Variants in PCDHGA6 observed in about 807,000 individuals in gnomAD.
PCDHGA6 encodes protocadherin gamma-A6.
PCDHGA6 carries 41 observed loss-of-function variants against 60.6 expected under a neutral mutation model. The observed-to-expected ratio is 0.68, with a 90% CI of 0.53 to 0.88. The LOEUF (loss-of-function observed/expected upper bound fraction) is 0.88, where lower values mean the gene tolerates loss of function less well. PCDHGA6 is among the 40% of genes least tolerant of loss of function. The pLI is 0.00. For missense variants in PCDHGA6, 1,312 were observed against 1,203.0 expected (o/e 1.09, Z -1.34); for synonymous variants, 594 against 524.4 (o/e 1.13, Z -1.81).
At chr5:141,494,569 T>G (rs1341706026) in intron 1 of PCDHGA6, among the ~76,000 whole-genome samples, 2 of 152,190 alleles carry the variant, frequency 1.3e-5, no homozygotes, top group Non-Finnish European at 2.9e-5. Flanking sequence ...GAAAGGAGTC[T>G]CAGCTTGCTC....
rs994726301 is a variant in PCDHGA6, at chr5:141,476,632, T to C, written c.2425-18175T>C. ...TGGGAAGCAACTCTTTACAAACCTA[T>C]GAGCTGAGCCGAAATGAATACTTTG... On this transcript the variant is annotated intron_variant, in intron 1 of 3. Transcript: ENST00000517434. The surrounding 1 kb of genome is among the most constrained non-coding windows in gnomAD (Gnocchi z 7.6). The C allele has an allele frequency of 8.7e-6, 14 of 1,614,098 alleles. No homozygotes were observed. Among genetic ancestry groups the C allele is most frequent in the Admixed American group, 1.7e-5 (1 of 60,016 alleles).
In PCDHGA6 at chr5:141,490,275, C is replaced by A; in HGVS notation, c.2425-4532C>A. 6.2e-7 allele frequency: 1 copy of A among 1,614,238 alleles called. No individual in the cohort carries two copies. The highest frequency in any genetic ancestry group is 8.5e-7 in the Non-Finnish European group (1 of 1,180,044). On this transcript the variant is annotated intron_variant, in intron 1 of 3. Transcript: ENST00000517434. The surrounding 1 kb of genome is among the most constrained non-coding windows in gnomAD (Gnocchi z 5.4). Reference sequence around the variant, plus strand: ...AAGTGGATGTGGGGGATGTCAATGACAATGCCCCAGAGGTGCTATTGGCCT... The same window carrying A: ...AAGTGGATGTGGGGGATGTCAATGAAAATGCCCCAGAGGTGCTATTGGCCT...
intron 2 of PCDHGA6, among the ~76,000 whole-genome samples, chr5:141,501,200 G>A (rs888856586): frequency 1.3e-5 from 2 of 151,854 alleles, no homozygotes; most frequent in African/African-American, 4.8e-5. Context: ...AATTCAGGGT[G>A]TTGTCAGGGT....
chr5:141,505,513 G>A lies in PCDHGA6; in HGVS notation c.2572+32G>A, dbSNP rs1157816684. ...GGTGTCAGTGTGTGTATGGAAGAGT[G>A]GGAGACCTGGGGTTCTGGGGTGCAT... On this transcript the variant is annotated intron_variant, in intron 3 of 3. Coordinates refer to ENST00000517434, the MANE Select transcript of PCDHGA6 (RefSeq NM_018919.3). The A allele has an allele frequency of 3.1e-6, 5 of 1,613,710 alleles. No homozygotes were observed. In the South Asian group the frequency reaches 3.3e-5, roughly 11 times the overall value.
Position 141,389,968 on chromosome 5 carries a change from C to A in PCDHGA6, c.2424+13461C>A, listed in dbSNP as rs898974383. ...CAGTTTTACCTAGTGGTGGCCTTGG[C>A]CTTGATCTCAGTGCTCTTCCTCGTG... is the stretch of plus-strand genomic sequence containing the variant. On this transcript the variant is annotated intron_variant, in intron 1 of 3. Coordinates refer to ENST00000517434, the MANE Select transcript of PCDHGA6 (RefSeq NM_018919.3). 3 of 1,613,908 alleles carry A rather than the reference C, an allele frequency of 1.9e-6. No homozygotes were observed. The highest frequency in any genetic ancestry group is 2.5e-6 in the Non-Finnish European group (3 of 1,179,892).
rs755863653 is a variant in PCDHGA6 at position 141,422,228 on chromosome 5, TG to T, written c.2424+45722del. 2.3e-5 allele frequency: 36 copies of T among 1,565,448 alleles called. No individual in the cohort carries two copies. The Middle Eastern group carries it at 8.6e-4, about 37-fold the overall frequency. ...GGAGGTCTCTTTACCACCACGACGA[TG>T]TTGATCACTGTTGTGGATGTGAATG... On this transcript the variant is annotated intron_variant, in intron 1 of 3. Transcript: ENST00000517434.
chr5:141,385,549 C>T, intron 1 of PCDHGA6: 3 of 1,316,166 alleles, frequency 2.3e-6, no homozygotes, highest in East Asian at 2.9e-5. Context: ...TGGACTATCA[C>T]ATTTTATAAT....
chr5:141,389,718 C>G, intron 1 of PCDHGA6: 5 of 1,612,622 alleles, frequency 3.1e-6, no homozygotes, highest in Non-Finnish European at 4.2e-6. Flanking sequence ...GGCTAGCGAG[C>G]CCGGGCTCTT....
rs780712160 is a variant in PCDHGA6 at position 141,375,021 on chromosome 5, G to C, written c.938G>C (p.Ser313Thr). 3 of 1,614,036 alleles carry C rather than the reference G, an allele frequency of 1.9e-6. No homozygotes were observed. The highest frequency in any genetic ancestry group is 2.5e-6 in the Non-Finnish European group (3 of 1,179,890). The change falls in exon 1 of 4, where the codon AGT (serine) becomes ACT (threonine). Residue 313 changes from serine (S) to threonine (T), a missense_variant. Transcript: ENST00000517434. ...TSANLDYEDS[S>T]FYELGVEARD... Reference sequence around the variant, plus strand: ...GCAAATCTAGACTATGAGGACTCGAGTTTTTATGAGCTGGGTGTTGAAGCC... The same window carrying C: ...GCAAATCTAGACTATGAGGACTCGACTTTTTATGAGCTGGGTGTTGAAGCC...
At chr5:141,478,174 GA>G (rs1156842877) in intron 1 of PCDHGA6, 1 of 1,613,574 alleles carries the variant, frequency 6.2e-7, no homozygotes, top group East Asian at 2.2e-5. Context: ...CCCGGGAGCA[GA>G]AAAAAAATCT....
chr5:141,392,758 A>G (rs1589161304), intron 1 of PCDHGA6: 2 of 1,472,462 alleles, frequency 1.4e-6, no homozygotes, highest in Non-Finnish European at 1.8e-6. Context: ...AAGAAACTAA[A>G]TAAGACCCAT....
chr5:141,375,404 AAT>A lies in PCDHGA6; in HGVS notation c.1322_1323del (p.Asn441SerfsTer22). ...GTCTACAGAAACAATCATCTCTCTA[AAT>A]GTGGCAGACACCAACGACAACCCGC... ...PLSTETIISL[N>X]VADTNDNPPT... On this transcript the variant is annotated frameshift_variant, in exon 1 of 4. Transcript: ENST00000517434. LOFTEE classifies it high-confidence loss of function. 1.2e-6 allele frequency: 2 copies of A among 1,613,912 alleles called. No individual in the cohort carries two copies. Among genetic ancestry groups the A allele is most frequent in the Non-Finnish European group, 1.7e-6 (2 of 1,180,014 alleles).
chr5:141,499,689 C>CTTTT (rs545067566), intron 2 of PCDHGA6, among the ~76,000 whole-genome samples: 17 of 119,848 alleles, frequency 1.4e-4, no homozygotes, highest in East Asian at 2.4e-4. Context: ...TAACAGATGA[C>CTTTT]TTTTTTTTTT....
At chr5:141,506,969 A>G (rs923725359) in intron 3 of PCDHGA6, 7 of 152,208 alleles carry the variant, frequency 4.6e-5, no homozygotes, top group Non-Finnish European at 8.8e-5. Flanking sequence ...ATAGCTCTGC[A>G]AGGCAGGTCT....
intron 1 of PCDHGA6, chr5:141,393,292 C>T: frequency 6.2e-7 from 1 of 1,613,946 alleles, no homozygotes; most frequent in Non-Finnish European, 8.5e-7. Context: ...GCTGTTGACC[C>T]GGATGTGGGC....
At chr5:141,501,718 A>G (rs914077060) in intron 2 of PCDHGA6, among the ~76,000 whole-genome samples, 1 of 152,152 alleles carries the variant, frequency 6.6e-6, no homozygotes, top group Non-Finnish European at 1.5e-5. Flanking sequence ...AAAAAGACAA[A>G]TATATTACCC....
intron 1 of PCDHGA6, chr5:141,393,684 T>C (rs1399508154): frequency 9.9e-6 from 16 of 1,613,904 alleles, no homozygotes; most frequent in Non-Finnish European, 1.3e-5. Flanking sequence ...ACAAACTCCG[T>C]TATTCCAGCT....
chr5:141,384,588 G>A, intron 1 of PCDHGA6: 1 of 1,614,242 alleles, frequency 6.2e-7, no homozygotes, highest in Non-Finnish European at 8.5e-7. Flanking sequence ...CCGAGATCCT[G>A]TACCCGGCCC....
At chr5:141,448,667 G>A (rs1262994760) in intron 1 of PCDHGA6, among the ~76,000 whole-genome samples, 6 of 151,990 alleles carry the variant, frequency 3.9e-5, no homozygotes, top group African/African-American at 9.7e-5. Flanking sequence ...TTGGCCGGGC[G>A]CGGTGGCTCA....
Sources: allele counts gnomAD v4.1 joint callset (sites outside exome capture counted in the v4.1 genomes callset), GRCh38; gene constraint gnomAD v4.1.1; non-coding constraint Gnocchi (gnomAD v3.1); transcripts MANE v1.5; gene names NCBI Gene and HGNC (gene_info 2026-07-23, HGNC 2026-07-21).